CNTN4: variants seen among roughly 807,000 people sequenced by gnomAD.
CNTN4 encodes the protein contactin 4.
A neutral mutation model predicts 122.5 loss-of-function variants in CNTN4; 77 were observed. The ratio of observed to expected loss-of-function variants is 0.63; its 90% confidence interval spans 0.52 to 0.76. The LOEUF (loss-of-function observed/expected upper bound fraction) is 0.76. CNTN4 is among the 30% of genes least tolerant of loss of function. CNTN4 has a pLI of 0.00. For missense variants in CNTN4, 1,256 were observed against 1,259.1 expected (o/e 1.00, Z 0.04); for synonymous variants, 512 against 447.0 (o/e 1.15, Z -1.83).
At chr3:2,375,883 C>T (rs912892621) in intron 3 of CNTN4, among the ~76,000 whole-genome samples, 1 of 151,772 alleles carries the variant, frequency 6.6e-6, no homozygotes, top group East Asian at 1.9e-4. Context: ...GTTCAACTTG[C>T]CCCTTTTATA....
intron 3 of CNTN4, among the ~76,000 whole-genome samples, chr3:2,417,686 T>G (rs1160450961): frequency 6.6e-6 from 1 of 152,180 alleles, no homozygotes; most frequent in Non-Finnish European, 1.5e-5. Context: ...CACACTGATG[T>G]TTCTAGCAGC....
intron 2 of CNTN4, among the ~76,000 whole-genome samples, chr3:2,309,221 G>A (rs1023471661): frequency 6.6e-6 from 1 of 151,890 alleles, no homozygotes; most frequent in Non-Finnish European, 1.5e-5. Flanking sequence ...CTGTTCATCT[G>A]TACTAAAATT....
At chr3:2,297,283 G>A (rs1415222847) in intron 2 of CNTN4, among the ~76,000 whole-genome samples, 5 of 152,122 alleles carry the variant, frequency 3.3e-5, no homozygotes, top group South Asian at 2.1e-4. Flanking sequence ...GACAGATTTG[G>A]TTTTAGTTTT....
chr3:2,396,656 G>GTTTTTTT lies in CNTN4; in HGVS notation c.-89+57431_-89+57437dup, dbSNP rs752074730. ...TTTAAAACTCAAGTGTTATGTCTGG[G>GTTTTTTT]TTTTTTTTTTTTTTATTAACCTCTC... On this transcript the variant is annotated intron_variant, in intron 3 of 24. Transcript: ENST00000418658. 7.6e-4 allele frequency among the ~76,000 whole-genome samples: 111 copies of GTTTTTTT among 145,136 alleles called. 1 individual carries two copies. The highest frequency in any genetic ancestry group is 3.5e-3 in the Middle Eastern group (1 of 282).
chr3:2,191,791 A>G (rs921855496), intron 2 of CNTN4, among the ~76,000 whole-genome samples: 2 of 152,046 alleles, frequency 1.3e-5, no homozygotes, highest in African/African-American at 4.8e-5. Context: ...GAGGTTTGTT[A>G]CATATGTATG....
At chr3:2,249,899 C>T (rs1465747815) in intron 2 of CNTN4, among the ~76,000 whole-genome samples, 1 of 151,574 alleles carries the variant, frequency 6.6e-6, no homozygotes, top group African/African-American at 2.4e-5. Flanking sequence ...TTTTCAAGAT[C>T]CCTATAGAGG....
intron 2 of CNTN4, among the ~76,000 whole-genome samples, chr3:2,273,480 C>G (rs1250946244): frequency 1.3e-5 from 2 of 152,146 alleles, no homozygotes; most frequent in Non-Finnish European, 2.9e-5. Flanking sequence ...AGATATTTAA[C>G]TTCACTTCTT....
chr3:2,186,392 C>T lies in CNTN4; in HGVS notation c.-145+85753C>T, dbSNP rs553226763. 1.7e-3 allele frequency among the ~76,000 whole-genome samples: 254 copies of T among 152,192 alleles called. 2 individuals are homozygous for T. The highest frequency in any genetic ancestry group is 5.6e-3 in the African/African-American group (233 of 41,518). ...TGTGAATAGTGCCGCAATAAACATA[C>T]GTGTGCATGTGTGTTTATAGCAGCA... On this transcript the variant is annotated intron_variant, in intron 2 of 24. Transcript: ENST00000418658.
At chr3:2,558,869 C>A (rs2078830985) in intron 3 of CNTN4, among the ~76,000 whole-genome samples, 1 of 152,160 alleles carries the variant, frequency 6.6e-6, no homozygotes, top group Non-Finnish European at 1.5e-5. Flanking sequence ...CACTCTATCT[C>A]ATTTTAAAGA....
At chr3:3,047,427 C>T (rs1201039873) in intron 23 of CNTN4, among the ~76,000 whole-genome samples, 3 of 152,156 alleles carry the variant, frequency 2.0e-5, no homozygotes, top group African/African-American at 7.2e-5. Context: ...AACAAACTGT[C>T]TCTCAGACCA....
intron 6 of CNTN4, among the ~76,000 whole-genome samples, chr3:2,784,374 A>G (rs2091727240): frequency 6.6e-6 from 1 of 152,110 alleles, no homozygotes; most frequent in South Asian, 2.1e-4. Context: ...TTTATTGCGC[A>G]CCTCCACATC....
chr3:2,901,201 C>G (rs927753368), intron 11 of CNTN4, among the ~76,000 whole-genome samples: 3 of 152,220 alleles, frequency 2.0e-5, no homozygotes, highest in Non-Finnish European at 4.4e-5. Flanking sequence ...GAGAAACACT[C>G]TGACAAAGAA....
chr3:2,316,412 CAAAT>C (rs1435998423), intron 2 of CNTN4, among the ~76,000 whole-genome samples: 1 of 151,930 alleles, frequency 6.6e-6, no homozygotes, highest in South Asian at 2.1e-4. Flanking sequence ...GAAAAAGTCC[CAAAT>C]AGTAAGTTGC....
rs147967232 is a variant in CNTN4 at position 2,807,405 on chromosome 3, T to A, written c.359-12081T>A. ...ATGAGATAAAAATATATGGTTGAAGTTGCCGAAGCAACTTAAATTCAACAT... is the reference window on the plus strand; with the variant it reads ...ATGAGATAAAAATATATGGTTGAAGATGCCGAAGCAACTTAAATTCAACAT... On this transcript the variant is annotated intron_variant, in intron 6 of 24. Coordinates refer to ENST00000418658, the MANE Select transcript of CNTN4 (RefSeq NM_175607.3). 4.7e-3 allele frequency among the ~76,000 whole-genome samples: 719 copies of A among 152,268 alleles called. 1 individual carries two copies. Among genetic ancestry groups the A allele is most frequent in the African/African-American group, 0.016 (685 of 41,542 alleles).
intron 12 of CNTN4, among the ~76,000 whole-genome samples, chr3:2,913,872 C>A (rs1006470069): frequency 1.3e-5 from 2 of 152,144 alleles, no homozygotes; most frequent in South Asian, 2.1e-4. Flanking sequence ...CTCATGCACA[C>A]ATGGAACAGT....
chr3:2,823,391 T>C (rs879270367), intron 7 of CNTN4, among the ~76,000 whole-genome samples: 10 of 152,182 alleles, frequency 6.6e-5, no homozygotes, highest in Non-Finnish European at 1.2e-4. Context: ...TGAGCAGCAA[T>C]TAATCTGTTT....
intron 4 of CNTN4, among the ~76,000 whole-genome samples, chr3:2,706,180 TA>T (rs367745509): frequency 2.0e-5 from 3 of 151,510 alleles, no homozygotes; most frequent in African/African-American, 7.3e-5. Context: ...CTTTATAGAA[TA>T]GGGGGAAAAC....
intron 2 of CNTN4, chr3:2,238,901 A>T (rs1245003924): frequency 2.0e-5 from 2 of 102,392 alleles, no homozygotes; most frequent in Non-Finnish European, 2.1e-5. Flanking sequence ...TAATTTTTGT[A>T]TTTTTAGTAG....
At chr3:2,189,342 G>A (rs1042608799) in intron 2 of CNTN4, among the ~76,000 whole-genome samples, 1 of 152,164 alleles carries the variant, frequency 6.6e-6, no homozygotes, top group Admixed American at 6.5e-5. Context: ...TGACCTGGAA[G>A]TTGGGGTCCA....
Sources: gnomAD v4.1 joint callset for allele counts (sites outside exome capture counted in the v4.1 genomes callset) on GRCh38, gnomAD v4.1.1 for gene constraint, MANE v1.5 for transcripts, NCBI Gene and HGNC (gene_info 2026-07-23, HGNC 2026-07-21) for gene names.